Variants in HMCN1 observed in about 807,000 individuals in gnomAD.
HMCN1 encodes the protein hemicentin 1.
Under a neutral mutation model 625.9 loss-of-function variants are expected in HMCN1, and 321 were observed. The observed-to-expected ratio is 0.51, with a 90% CI of 0.47 to 0.56. HMCN1 has a LOEUF of 0.56. HMCN1 is among the 20% of genes least tolerant of loss of function. The pLI is 0.00. For synonymous variants in HMCN1, 2,425 were observed against 2,417.6 expected (o/e 1.00, Z -0.09); for missense variants, 6,588 against 6,887.3 (o/e 0.96, Z 1.54).
chr1:185,802,950 A>G (rs1658896966), intron 1 of HMCN1, among the ~76,000 whole-genome samples: 2 of 152,058 alleles, frequency 1.3e-5, no homozygotes, highest in African/African-American at 4.8e-5. Flanking sequence ...TTTAAAAGCT[A>G]TGGAAAAGAG....
At chr1:185,925,761 G>T (rs1161406538) in intron 9 of HMCN1, among the ~76,000 whole-genome samples, 2 of 152,138 alleles carry the variant, frequency 1.3e-5, no homozygotes, top group Non-Finnish European at 1.5e-5. Context: ...CAAGAAAGAT[G>T]ATCAAAAAGG....
chr1:186,099,546 A>G (rs1271460543), intron 68 of HMCN1, among the ~76,000 whole-genome samples: 1 of 152,106 alleles, frequency 6.6e-6, no homozygotes, highest in African/African-American at 2.4e-5. Context: ...CATCACTAAG[A>G]AAGATATGAT....
intron 29 of HMCN1, among the ~76,000 whole-genome samples, chr1:186,006,097 T>C (rs967255478): frequency 4.0e-5 from 6 of 150,934 alleles, no homozygotes; most frequent in Non-Finnish European, 8.9e-5. Flanking sequence ...AATAGCACCA[T>C]TGCACTCCAG....
intron 69 of HMCN1, among the ~76,000 whole-genome samples, chr1:186,105,144 A>G (rs1660553760): frequency 6.6e-6 from 1 of 152,210 alleles, no homozygotes; most frequent in Non-Finnish European, 1.5e-5. Flanking sequence ...GACCTAAGAT[A>G]TGTGACATGT....
chr1:186,067,973 T>A lies in HMCN1; in HGVS notation c.7845T>A (p.Pro2615=). Residue 2615 remains proline (P), a synonymous_variant, in exon 50 of 107, where the codon CCT becomes CCA. Transcript: ENST00000271588. ...TCACCTGGTTTAAGGATGGCACTCC[T>A]TTAGAATCTAACCGAAATATTCGTA... The part of the protein sequence containing the change: ...ATITWFKDGT[P]LESNRNIRIL... 6.2e-7 allele frequency: 1 copy of A among 1,613,796 alleles called. No homozygotes were observed. The highest frequency in any genetic ancestry group is 8.5e-7 in the Non-Finnish European group (1 of 1,179,748).
intron 4 of HMCN1, among the ~76,000 whole-genome samples, chr1:185,898,405 A>ATAGACAGGTTCC (rs1226753226): frequency 1.3e-5 from 2 of 152,230 alleles, no homozygotes; most frequent in Non-Finnish European, 2.9e-5. Context: ...ATTGTCTGAA[A>ATAGACAGGTTCC]AAGAATGAAG....
chr1:186,068,463 T>C (rs899070859), intron 50 of HMCN1, among the ~76,000 whole-genome samples: 1 of 152,146 alleles, frequency 6.6e-6, no homozygotes, highest in Non-Finnish European at 1.5e-5. Flanking sequence ...CAGTCTTATA[T>C]TGAGAAGAGG....
intron 6 of HMCN1, among the ~76,000 whole-genome samples, chr1:185,916,130 C>G (rs569392496): frequency 6.6e-6 from 1 of 151,858 alleles, no homozygotes; most frequent in Non-Finnish European, 1.5e-5. Context: ...CCTAATCACA[C>G]ATTTCTCCAA....
chr1:186,136,817 G>A lies in HMCN1; in HGVS notation c.13462G>A (p.Val4488Met), dbSNP rs146552651. Residue 4488 changes from valine (V) to methionine (M), a missense_variant, in exon 87 of 107, where the codon GTG becomes ATG. By Grantham distance (21) the Val-to-Met change is conservative (BLOSUM62 1). This residue lies in a region of HMCN1 where 1,954 missense variants were observed against 2,013.1 expected (regional missense o/e 0.97). Transcript: ENST00000271588. ...TATTTCCTGGGATGACCGGGTTAAC[G>A]TGTTGTCCAACAACTCATTATATAT... is the stretch of plus-strand genomic sequence containing the variant. ...HSISWDDRVN[V>M]LSNNSLYIAD... 9.7e-4 allele frequency: 1,563 copies of A among 1,613,964 alleles called. No individual in the cohort carries two copies. Among genetic ancestry groups the A allele is most frequent in the Admixed American group, 3.4e-3 (201 of 59,978 alleles).
At chr1:185,737,067 G>A (rs1437489112) in intron 1 of HMCN1, among the ~76,000 whole-genome samples, 1 of 151,842 alleles carries the variant, frequency 6.6e-6, no homozygotes, top group African/African-American at 2.4e-5. Context: ...CTAGATTGTA[G>A]TACTTTATTT....
At chr1:185,901,222 A>T (rs1223599866) in intron 4 of HMCN1, among the ~76,000 whole-genome samples, 1 of 151,776 alleles carries the variant, frequency 6.6e-6, no homozygotes, top group Non-Finnish European at 1.5e-5. Flanking sequence ...AAATCTGTTG[A>T]ATCACCCTTA....
chr1:186,034,989 A>G (rs1048242150), intron 36 of HMCN1, among the ~76,000 whole-genome samples: 1 of 152,150 alleles, frequency 6.6e-6, no homozygotes, highest in African/African-American at 2.4e-5. Context: ...ATAGTGTTTT[A>G]TTGCAGCAGC....
intron 52 of HMCN1, among the ~76,000 whole-genome samples, chr1:186,072,725 A>T (rs1371474680): frequency 6.6e-6 from 1 of 152,216 alleles, no homozygotes; most frequent in Non-Finnish European, 1.5e-5. Flanking sequence ...AGTAAAGAGC[A>T]CAGCAAGGGC....
intron 82 of HMCN1, 129 bp from the exon 83 acceptor site, chr1:186,127,949 T>G (rs1316251964): frequency 1.3e-5 from 11 of 819,618 alleles, no homozygotes; most frequent in Non-Finnish European, 2.2e-5. Flanking sequence ...TGGTTAAGAC[T>G]AAAAGATGGA....
At chr1:185,949,895 G>C (rs2102528938) in intron 11 of HMCN1, among the ~76,000 whole-genome samples, 2 of 145,628 alleles carry the variant, frequency 1.4e-5, no homozygotes, top group South Asian at 4.4e-4. Context: ...TAGAATAGCA[G>C]ATGGAACACT....
intron 95 of HMCN1, among the ~76,000 whole-genome samples, chr1:186,152,397 T>G (rs1650730271): frequency 6.6e-6 from 1 of 152,238 alleles, no homozygotes; most frequent in African/African-American, 2.4e-5. Context: ...CCTTTGTTAC[T>G]TTTTGAAGCA....
chr1:185,860,573 T>G (rs1237458911), intron 2 of HMCN1, among the ~76,000 whole-genome samples: 2 of 152,146 alleles, frequency 1.3e-5, no homozygotes, highest in African/African-American at 4.8e-5. Flanking sequence ...GCCCCCCAAG[T>G]AGCTGGGACA....
chr1:186,031,156 ACTC>A (rs1370245880), intron 36 of HMCN1, among the ~76,000 whole-genome samples: 1 of 151,882 alleles, frequency 6.6e-6, no homozygotes, highest in Non-Finnish European at 1.5e-5. Flanking sequence ...AACCTGAAGA[ACTC>A]CTTTTAGAAT....
At chr1:186,183,530 A>T (rs866926672) in intron 105 of HMCN1, among the ~76,000 whole-genome samples, 2 of 152,222 alleles carry the variant, frequency 1.3e-5, no homozygotes, top group Non-Finnish European at 2.9e-5. Context: ...GATTTAAAGT[A>T]CTGGAATAAT....
Sources: allele counts gnomAD v4.1 joint callset (sites outside exome capture counted in the v4.1 genomes callset), GRCh38; gene constraint gnomAD v4.1.1; regional missense constraint gnomAD v4.1.1; transcripts MANE v1.5; gene names NCBI Gene and HGNC (gene_info 2026-07-23, HGNC 2026-07-21).